The following ADGRG6 variants were observed in gnomAD, a reference collection of about 807,000 sequenced individuals.
ADGRG6 encodes adhesion G protein-coupled receptor G6, also known as G-protein coupled receptor 126.
A neutral mutation model predicts 142.4 loss-of-function variants in ADGRG6; 84 were observed. The observed-to-expected ratio is 0.59, with a 90% confidence interval of 0.49 to 0.71. The LOEUF is 0.71. Among genes scored for constraint, ADGRG6 ranks in the 30% least tolerant of loss-of-function variants. The probability of loss-of-function intolerance (pLI) is 0.00; values close to 1 mark genes in which losing one functional copy is unlikely to be tolerated. For synonymous variants in ADGRG6, 521 were observed against 520.5 expected (o/e 1.00, Z -0.01); for missense variants, 1,367 against 1,466.6 (o/e 0.93, Z 1.11).
chr6:142,382,569 T>A (rs1781822171), intron 5 of ADGRG6, among the ~76,000 whole-genome samples: 1 of 152,242 alleles, frequency 6.6e-6, no homozygotes. Flanking sequence ...TTCAGTTACA[T>A]GTTATGTACT....
Position 142,302,285 on chromosome 6 carries a change from G to C in ADGRG6, c.-45G>C. On this transcript the variant is annotated 5_prime_UTR_variant, in exon 1 of 25. Coordinates refer to ENST00000367609, the MANE Select transcript of ADGRG6 (RefSeq NM_198569.3). Reference sequence around the variant, plus strand: ...GGCAGCAGAGCGGGAAAGTGGTGGAGGATGATCTTGCGGCCAAAGGGGACC... The same window carrying C: ...GGCAGCAGAGCGGGAAAGTGGTGGACGATGATCTTGCGGCCAAAGGGGACC... The C allele has an allele frequency of 6.2e-7, 1 of 1,609,360 alleles. No homozygotes were observed. Among genetic ancestry groups the C allele is most frequent in the Non-Finnish European group, 8.5e-7 (1 of 1,177,500 alleles).
intron 6 of ADGRG6, among the ~76,000 whole-genome samples, chr6:142,388,440 G>A (rs866083450): frequency 3.9e-5 from 6 of 152,104 alleles, no homozygotes; most frequent in South Asian, 2.1e-4. Flanking sequence ...TACTCTGCTA[G>A]CATTGATAAT....
chr6:142,332,944 C>T (rs1041027307), intron 2 of ADGRG6, among the ~76,000 whole-genome samples: 2 of 152,144 alleles, frequency 1.3e-5, no homozygotes, highest in Admixed American at 1.3e-4. Context: ...TCATCCTAGC[C>T]TAAGTACACT....
intron 1 of ADGRG6, among the ~76,000 whole-genome samples, chr6:142,305,414 C>T (rs1052750901): frequency 2.1e-5 from 3 of 144,880 alleles, no homozygotes; most frequent in Admixed American, 1.4e-4. Context: ...TGCCCCCCCC[C>T]ACGAGCCCCT....
intron 7 of ADGRG6, 54 bp from the exon 8 acceptor site, chr6:142,392,894 A>G (rs914399613): frequency 8.7e-7 from 1 of 1,145,494 alleles, no homozygotes; most frequent in Non-Finnish European, 1.3e-6. Context: ...AACTTGAATT[A>G]GATATTTTTT....
chr6:142,306,800 A>G (rs1478938588), intron 1 of ADGRG6, among the ~76,000 whole-genome samples: 2 of 152,108 alleles, frequency 1.3e-5, no homozygotes, highest in Non-Finnish European at 2.9e-5. Flanking sequence ...TTGCTAAGTG[A>G]TCCCCTGAGA....
At chr6:142,317,765 A>G (rs1562305810) in intron 2 of ADGRG6, among the ~76,000 whole-genome samples, 1 of 101,498 alleles carries the variant, frequency 9.9e-6, no homozygotes, top group Non-Finnish European at 1.9e-5. Context: ...TATTATATAT[A>G]TTTATATCAT....
At chr6:142,338,017 G>GTTTTTTTTTTGTTTTTTTTTT (rs1779412756) in intron 2 of ADGRG6, among the ~76,000 whole-genome samples, 1 of 35,392 alleles carries the variant, frequency 2.8e-5, no homozygotes, top group African/African-American at 1.3e-4. Context: ...TTGTATCTTT[G>GTTTTTTTTTTGTTTTTTTTTT]TTTTTTTTTT....
chr6:142,331,771 T>C (rs1257043611), intron 2 of ADGRG6, among the ~76,000 whole-genome samples: 1 of 152,122 alleles, frequency 6.6e-6, no homozygotes, highest in African/African-American at 2.4e-5. Context: ...AGTAGGAAAA[T>C]ACGTGTCACT....
In ADGRG6 at chr6:142,370,737, A is replaced by T. The variant is rs200437948; in HGVS notation, c.1013A>T (p.Asn338Ile). Residue 338 changes from asparagine (N) to isoleucine (I), a missense_variant, in exon 4 of 25, where the codon AAT becomes ATT. Physicochemically the swap from Asn to Ile is moderately radical, Grantham distance 149. Around this residue, in one of 3 missense-constraint regions of ADGRG6, gnomAD observed 737 missense variants for 746.5 expected, o/e 0.99. Coordinates refer to ENST00000367609, the MANE Select transcript of ADGRG6 (RefSeq NM_198569.3). ...AAAGGGAATGTAGTCGACTGGCAAAATGACTTCTGGAATATCCCAAACCTA... is the reference window on the plus strand; with the variant it reads ...AAAGGGAATGTAGTCGACTGGCAAATTGACTTCTGGAATATCCCAAACCTA... ...NVKGNVVDWQ[N>I]DFWNIPNLAL... 1.0e-4 allele frequency: 164 copies of T among 1,613,826 alleles called. No homozygotes were observed. In the East Asian group the frequency reaches 2.7e-3, roughly 26 times the overall value.
At chr6:142,320,786 C>T (rs545914790) in intron 2 of ADGRG6, among the ~76,000 whole-genome samples, 7 of 151,980 alleles carry the variant, frequency 4.6e-5, no homozygotes, top group Admixed American at 3.9e-4. Context: ...AAGTGTGGTA[C>T]AGCTTTATTT....
intron 21 of ADGRG6, among the ~76,000 whole-genome samples, chr6:142,418,865 C>T (rs965929610): frequency 6.6e-6 from 1 of 152,026 alleles, no homozygotes; most frequent in Non-Finnish European, 1.5e-5. Flanking sequence ...ATTCCTATAG[C>T]GTCGATTAGG....
Position 142,403,974 on chromosome 6 carries a change from G to A in ADGRG6, c.2127+1G>A. ...AAGCAATAATGAATCGTATTTCCAG[G>A]TAATGAGCCAGTGGTTTCTTTCATT... On this transcript the variant is annotated splice_donor_variant, in intron 14 of 24. Coordinates refer to ENST00000367609, the MANE Select transcript of ADGRG6 (RefSeq NM_198569.3). LOFTEE classifies it high-confidence loss of function. 6.3e-7 allele frequency: 1 copy of A among 1,598,222 alleles called. No individual in the cohort carries two copies. Among genetic ancestry groups the A allele is most frequent in the South Asian group, 1.1e-5 (1 of 90,020 alleles).
chr6:142,307,524 C>T (rs1002549281), intron 1 of ADGRG6, among the ~76,000 whole-genome samples: 16 of 151,946 alleles, frequency 1.1e-4, no homozygotes, highest in African/African-American at 2.2e-4. Flanking sequence ...TGTCACCTAC[C>T]GTTTTAAAAG....
intron 2 of ADGRG6, among the ~76,000 whole-genome samples, chr6:142,366,464 G>A (rs1308984342): frequency 6.6e-6 from 1 of 152,166 alleles, no homozygotes; most frequent in Non-Finnish European, 1.5e-5. Context: ...CTCCTCAAAT[G>A]TCACCTCTTT....
At position 142,402,837 on chromosome 6, in the gene ADGRG6, A is replaced by G. The variant is rs1562369256; in HGVS notation, c.1955+7A>G. 6 of 1,366,782 alleles carry G rather than the reference A, an allele frequency of 4.4e-6. No individual in the cohort carries two copies. The highest frequency in any genetic ancestry group is 4.2e-5 in the South Asian group (3 of 72,260). 84.7% of individuals were successfully genotyped at this position (1,366,782 alleles called of 1,614,324 possible). ...TGCTTGAGTCATCTTCTGAGTAAGT[A>G]TTTTTTTTTTCCTGGAGAGTAAATT... On this transcript the variant is annotated splice_region_variant and intron_variant, in intron 13 of 24. Coordinates refer to ENST00000367609, the MANE Select transcript of ADGRG6 (RefSeq NM_198569.3).
intron 9 of ADGRG6, among the ~76,000 whole-genome samples, chr6:142,397,023 T>TATTTATTTTG (rs1775231969): frequency 6.6e-6 from 1 of 152,000 alleles, no homozygotes; most frequent in Non-Finnish European, 1.5e-5. Flanking sequence ...AATCACAGAG[T>TATTTATTTTG]CGATTTTAAG....
intron 2 of ADGRG6, among the ~76,000 whole-genome samples, chr6:142,324,535 A>G (rs1778668120): frequency 6.6e-6 from 1 of 152,136 alleles, no homozygotes; most frequent in African/African-American, 2.4e-5. Context: ...TTGCCATCTC[A>G]TGATCTGTCT....
chr6:142,318,944 A>C (rs1411336670), intron 2 of ADGRG6, among the ~76,000 whole-genome samples: 1 of 152,122 alleles, frequency 6.6e-6, no homozygotes, highest in Admixed American at 6.6e-5. Flanking sequence ...ATATGTCCCC[A>C]CTAGCTACAG....
Sources: allele counts gnomAD v4.1 joint callset (sites outside exome capture counted in the v4.1 genomes callset), GRCh38; gene constraint gnomAD v4.1.1; regional missense constraint gnomAD v4.1.1; transcripts MANE v1.5; gene names NCBI Gene and HGNC (gene_info 2026-07-23, HGNC 2026-07-21).